Variants in GABRA2 observed in about 807,000 individuals in gnomAD.
The protein encoded by GABRA2 is gamma-aminobutyric acid receptor subunit alpha-2.
In GABRA2, 16 loss-of-function variants were observed where a neutral mutation model predicts 48.7. The observed-to-expected ratio is 0.33, with a 90% CI of 0.22 to 0.50. The LOEUF (loss-of-function observed/expected upper bound fraction) is 0.50. GABRA2 is among the 20% of genes least tolerant of loss of function. GABRA2 has a pLI of 0.98. For synonymous variants in GABRA2, 185 were observed against 184.5 expected (o/e 1.00, Z -0.02); for missense variants, 275 against 535.6 (o/e 0.51, Z 4.80).
rs182371024 is a variant in GABRA2, at chr4:46,353,757, T to C, written c.188-21075A>G. The stretch of plus-strand genomic sequence containing the variant: ...CTAATATTAACAGCACCATATAAAC[T>C]GAAAAAAAGTTGTTCATCTTGCTTC... On this transcript the variant is annotated intron_variant, in intron 3 of 9. Coordinates refer to ENST00000381620, the MANE Select transcript of GABRA2 (RefSeq NM_000807.4). Among the ~76,000 whole-genome samples the C allele has an allele frequency of 1.9e-3, 287 of 152,234 alleles. 2 individuals are homozygous for C. The highest frequency in any genetic ancestry group is 6.2e-3 in the African/African-American group (256 of 41,558).
At chr4:46,256,355 T>A (rs1715831929) in intron 9 of GABRA2, 1 of 666,112 alleles carries the variant, frequency 1.5e-6, no homozygotes, top group African/African-American at 1.8e-5. Context: ...TGTAATGCCT[T>A]CAGCTTTTAT....
At chr4:46,289,097 CT>C (rs1723101961) in intron 8 of GABRA2, among the ~76,000 whole-genome samples, 1 of 152,074 alleles carries the variant, frequency 6.6e-6, no homozygotes, top group South Asian at 2.1e-4. Flanking sequence ...AGCTTATGCA[CT>C]GTTGGTGTGA....
intron 5 of GABRA2, among the ~76,000 whole-genome samples, chr4:46,310,713 A>G (rs1166667731): frequency 6.6e-6 from 1 of 152,204 alleles, no homozygotes; most frequent in Non-Finnish European, 1.5e-5. Flanking sequence ...GTGAATTGTT[A>G]CTGTATACTG....
Position 46,312,676 on chromosome 4 carries a change from T to C in GABRA2, c.296A>G (p.Asp99Gly). Reference sequence around the variant, plus strand: ...AGGACCTTTAAATTTTAAACGTTCATCTTTCCATTTTTGTCGAAAGAAAAC... The same window carrying C: ...AGGACCTTTAAATTTTAAACGTTCACCTTTCCATTTTTGTCGAAAGAAAAC... The part of the protein sequence containing the change: ...IDVFFRQKWK[D>G]ERLKFKGPMN... The change falls in exon 5 of 10, where the codon GAT becomes GGT. Residue 99 changes from aspartate (D) to glycine (G), a missense_variant. By Grantham distance (94) the Asp-to-Gly change is moderately conservative. Transcript: ENST00000381620. The C allele has an allele frequency of 6.6e-7, 1 of 1,523,264 alleles. No homozygotes were observed. The highest frequency in any genetic ancestry group is 8.8e-7 in the Non-Finnish European group (1 of 1,142,056). 94.4% of individuals were successfully genotyped at this position (1,523,264 alleles called of 1,614,324 possible).
chr4:46,332,959 ATAGTT>A (rs1161810571), intron 3 of GABRA2, among the ~76,000 whole-genome samples: 1 of 152,170 alleles, frequency 6.6e-6, no homozygotes, highest in Non-Finnish European at 1.5e-5. Flanking sequence ...CTCAAAATGA[ATAGTT>A]TATTAGGAAA....
At chr4:46,296,460 T>G (rs1724706063) in intron 8 of GABRA2, among the ~76,000 whole-genome samples, 1 of 152,056 alleles carries the variant, frequency 6.6e-6, no homozygotes, top group African/African-American at 2.4e-5. Context: ...CTGGGGTCTA[T>G]CAAGATGAAA....
intron 9 of GABRA2, chr4:46,260,925 T>A (rs1054182998): frequency 6.6e-6 from 1 of 151,946 alleles, no homozygotes; most frequent in Non-Finnish European, 1.5e-5. Flanking sequence ...CTTGTATATT[T>A]AAACTGTAAC....
At chr4:46,289,075 G>A (rs571894330) in intron 8 of GABRA2, among the ~76,000 whole-genome samples, 43 of 152,140 alleles carry the variant, frequency 2.8e-4, no homozygotes, top group Admixed American at 7.9e-4. Context: ...GCAGGATATG[G>A]AGAAAAAGGA....
chr4:46,258,290 G>A (rs1716256685), intron 9 of GABRA2, among the ~76,000 whole-genome samples: 1 of 151,846 alleles, frequency 6.6e-6, no homozygotes, highest in Non-Finnish European at 1.5e-5. Flanking sequence ...CAGTGAAAGA[G>A]TTGAGACAGA....
intron 3 of GABRA2, among the ~76,000 whole-genome samples, chr4:46,372,027 A>G (rs1401815116): frequency 1.3e-5 from 2 of 152,202 alleles, no homozygotes; most frequent in Non-Finnish European, 2.9e-5. Context: ...CTTGAGCCCA[A>G]CATAAATGTA....
intron 3 of GABRA2, among the ~76,000 whole-genome samples, chr4:46,355,340 A>G (rs920384250): frequency 6.6e-6 from 1 of 152,136 alleles, no homozygotes; most frequent in South Asian, 2.1e-4. Flanking sequence ...TTAAACATCC[A>G]TCATGCTTTA....
intron 3 of GABRA2, chr4:46,364,080 A>C (rs747144838): frequency 6.6e-6 from 1 of 152,180 alleles, no homozygotes; most frequent in East Asian, 1.9e-4. Flanking sequence ...TATCATCTTC[A>C]TGAAGTATCT....
At chr4:46,355,474 G>A (rs1289389223) in intron 3 of GABRA2, among the ~76,000 whole-genome samples, 1 of 152,076 alleles carries the variant, frequency 6.6e-6, no homozygotes, top group African/African-American at 2.4e-5. Flanking sequence ...TTTTCCCCCA[G>A]TAGACCCTTT....
intron 8 of GABRA2, among the ~76,000 whole-genome samples, chr4:46,302,840 T>C (rs1163436304): frequency 6.6e-6 from 1 of 152,232 alleles, no homozygotes; most frequent in Admixed American, 6.5e-5. Context: ...CTGCTCTCTC[T>C]GCCTAGAGAA....
chr4:46,313,586 TCTC>T, intron 4 of GABRA2, among the ~76,000 whole-genome samples: 1 of 148,100 alleles, frequency 6.8e-6, no homozygotes, highest in South Asian at 2.1e-4. Context: ...TCTCTCTCTC[TCTC>T]TTTACCTCTC....
In GABRA2 at chr4:46,317,789, C is replaced by A. The variant is rs1561773; in HGVS notation, c.256-5073G>T. On this transcript the variant is annotated intron_variant, in intron 4 of 9. Transcript: ENST00000381620. ...AAACAAATAAACTCTAAAAAAAATT[C>A]AAAAAAAAATTTATAATTATCAGTG... Among the ~76,000 whole-genome samples, 746 of 150,378 alleles carry A rather than the reference C, an allele frequency of 5.0e-3. 7 individuals carry two copies. The highest frequency in any genetic ancestry group is 0.017 in the African/African-American group (700 of 41,148).
intron 9 of GABRA2, among the ~76,000 whole-genome samples, chr4:46,258,595 A>G (rs1439839981): frequency 1.3e-5 from 2 of 151,876 alleles, no homozygotes; most frequent in Non-Finnish European, 2.9e-5. Context: ...ACAAGAACAG[A>G]TGCCAGGGAA....
At chr4:46,354,038 A>T (rs1735580392) in intron 3 of GABRA2, among the ~76,000 whole-genome samples, 1 of 152,184 alleles carries the variant, frequency 6.6e-6, no homozygotes, top group Non-Finnish European at 1.5e-5. Context: ...AGAATTAATA[A>T]AAAATAGTGT....
intron 1 of GABRA2, chr4:46,388,983 C>T (rs899716377): frequency 8.0e-7 from 1 of 1,242,666 alleles, no homozygotes; most frequent in Non-Finnish European, 1.0e-6. Context: ...AATCAGACTT[C>T]TCTCTGCCAG....
Sources: allele counts gnomAD v4.1 joint callset (sites outside exome capture counted in the v4.1 genomes callset), GRCh38; gene constraint gnomAD v4.1.1; transcripts MANE v1.5; gene names NCBI Gene and HGNC (gene_info 2026-07-23, HGNC 2026-07-21).